The following SORCS2 variants were observed in gnomAD, a reference collection of about 807,000 sequenced individuals.
The protein encoded by SORCS2 is sortilin related VPS10 domain containing receptor 2, also known as VPS10 domain-containing receptor SorCS2.
A neutral mutation model predicts 141.6 loss-of-function variants in SORCS2; 100 were observed. That is an observed-to-expected ratio of 0.71 (90% CI 0.60 to 0.83). The LOEUF is 0.83. Ranked by LOEUF, SORCS2 falls within the 40% of genes least tolerant of loss-of-function variation. The pLI is 0.00. For missense variants in SORCS2, 1,646 were observed against 1,560.2 expected (o/e 1.05, Z -0.93); for synonymous variants, 789 against 676.9 (o/e 1.17, Z -2.57).
At chr4:7,692,335 C>G (rs1724310714) in intron 11 of SORCS2, among the ~76,000 whole-genome samples, 1 of 152,170 alleles carries the variant, frequency 6.6e-6, no homozygotes, top group Non-Finnish European at 1.5e-5. Flanking sequence ...TGAATTCCAT[C>G]CCAGAGGCAG....
intron 2 of SORCS2, among the ~76,000 whole-genome samples, chr4:7,481,051 G>A (rs2109369111): frequency 6.6e-6 from 1 of 152,356 alleles, no homozygotes. Context: ...AATCAAGAGA[G>A]CCCATCTGAC....
intron 1 of SORCS2, among the ~76,000 whole-genome samples, chr4:7,282,216 C>A (rs112783938): frequency 0.016 from 2,456 of 152,308 alleles, 30 homozygotes; most frequent in African/African-American, 0.016. Flanking sequence ...GTTACCGTCT[C>A]TCTGGCCTAT....
intron 2 of SORCS2, among the ~76,000 whole-genome samples, chr4:7,504,380 G>A (rs987788631): frequency 2.6e-5 from 4 of 152,254 alleles, no homozygotes; most frequent in African/African-American, 9.6e-5. Flanking sequence ...GAGCCCGAGA[G>A]TGGGGGAAGT....
At chr4:7,343,117 A>C (rs1720456833) in intron 1 of SORCS2, among the ~76,000 whole-genome samples, 1 of 152,214 alleles carries the variant, frequency 6.6e-6, no homozygotes, top group Non-Finnish European at 1.5e-5. Flanking sequence ...CGGGCACGGC[A>C]ACAGGAGCAT....
chr4:7,206,953 C>T (rs10937790), intron 1 of SORCS2, among the ~76,000 whole-genome samples: 45,025 of 151,804 alleles, frequency 0.3, 6,955 homozygotes, highest in East Asian at 0.44. Context: ...GAGCAGGATT[C>T]GAGAAACCTG....
chr4:7,389,783 T>C (rs1042879979), intron 1 of SORCS2, among the ~76,000 whole-genome samples: 1 of 151,740 alleles, frequency 6.6e-6, no homozygotes, highest in African/African-American at 2.4e-5. Context: ...GGTGACAGAG[T>C]CAAGGCCGGA....
At chr4:7,521,652 A>G (rs1263286318) in intron 2 of SORCS2, among the ~76,000 whole-genome samples, 1 of 152,216 alleles carries the variant, frequency 6.6e-6, no homozygotes. Flanking sequence ...GAAGCTCAGA[A>G]TGAATTCCCC....
In SORCS2 at chr4:7,303,850, G is replaced by T. The variant is rs527602872; in HGVS notation, c.481-92438G>T. Among the ~76,000 whole-genome samples the T allele has an allele frequency of 8.5e-5, 13 of 152,378 alleles. 1 individual carries two copies. The East Asian group carries it at 1.9e-3, about 23-fold the overall frequency. On this transcript the variant is annotated intron_variant, in intron 1 of 26. Coordinates refer to ENST00000507866, the MANE Select transcript of SORCS2 (RefSeq NM_020777.3). ...GAGCTCACCGTCCAGGCAGGAGAGA[G>T]CGATGTTCCCTGTGGACCTGTCCTG...
intron 1 of SORCS2, among the ~76,000 whole-genome samples, chr4:7,338,111 TTGGATGGA>T (rs1452561818): frequency 1.0e-4 from 4 of 39,526 alleles, no homozygotes; most frequent in African/African-American, 3.4e-4. Flanking sequence ...TGGATGGATG[TTGGATGGA>T]TGGATGGATG....
intron 1 of SORCS2, among the ~76,000 whole-genome samples, chr4:7,240,202 G>A (rs1438593698): frequency 6.6e-6 from 1 of 152,212 alleles, no homozygotes; most frequent in Non-Finnish European, 1.5e-5. Context: ...GGAGCTTGCT[G>A]CAGGGGCAGA....
rs540966269 is a variant in SORCS2 at position 7,500,998 on chromosome 4, C to G, written c.549-30532C>G. Among the ~76,000 whole-genome samples, 5 of 152,354 alleles carry G rather than the reference C, an allele frequency of 3.3e-5. No individual in the cohort carries two copies. The South Asian group carries it at 6.2e-4, about 19-fold the overall frequency. On this transcript the variant is annotated intron_variant, in intron 2 of 26. Transcript: ENST00000507866. ...AGCCAGCGTGGATCCAGCTCCACCC[C>G]ACGTGCCCTCTGAGCCGCTACAGCT... is the stretch of plus-strand genomic sequence containing the variant.
chr4:7,269,221 G>A (rs372432167), intron 1 of SORCS2, among the ~76,000 whole-genome samples: 2 of 152,318 alleles, frequency 1.3e-5, no homozygotes, highest in African/African-American at 2.4e-5. Flanking sequence ...GGTGCTGGTG[G>A]TGTCCCAGGA....
At chr4:7,319,902 A>G (rs1718790903) in intron 1 of SORCS2, among the ~76,000 whole-genome samples, 2 of 152,288 alleles carry the variant, frequency 1.3e-5, no homozygotes, top group South Asian at 4.1e-4. Context: ...ATCCTTAATG[A>G]TTCCCCCCAC....
At chr4:7,738,172 C>A (rs1323605870) in intron 26 of SORCS2, among the ~76,000 whole-genome samples, 1 of 152,240 alleles carries the variant, frequency 6.6e-6, no homozygotes, top group African/African-American at 2.4e-5. Flanking sequence ...CACTATAGTT[C>A]TTTCTCTGGA....
chr4:7,281,387 G>C (rs1398033761), intron 1 of SORCS2, among the ~76,000 whole-genome samples: 1 of 152,098 alleles, frequency 6.6e-6, no homozygotes, highest in Admixed American at 6.5e-5. Flanking sequence ...CCTCCTCCAG[G>C]CATCTGACTC....
chr4:7,738,569 G>T (rs186682681), intron 26 of SORCS2, among the ~76,000 whole-genome samples: 1 of 152,124 alleles, frequency 6.6e-6, no homozygotes, highest in Non-Finnish European at 1.5e-5. Context: ...GGGGTTCTGC[G>T]GTAGCTTCTG....
chr4:7,216,993 G>C (rs916644138), intron 1 of SORCS2, among the ~76,000 whole-genome samples: 1 of 152,148 alleles, frequency 6.6e-6, no homozygotes, highest in African/African-American at 2.4e-5. Flanking sequence ...ACTGTGTGGC[G>C]GTTCCCGTGG....
chr4:7,625,369 T>A (rs1033011590), intron 3 of SORCS2, among the ~76,000 whole-genome samples: 1 of 152,114 alleles, frequency 6.6e-6, no homozygotes, highest in African/African-American at 2.4e-5. Context: ...CACTCCAGGC[T>A]TCTGTTTCTT....
intron 1 of SORCS2, among the ~76,000 whole-genome samples, chr4:7,271,525 A>G (rs971767431): frequency 6.6e-6 from 1 of 152,118 alleles, no homozygotes; most frequent in Non-Finnish European, 1.5e-5. Flanking sequence ...CCAGCTACTC[A>G]TCTAAGATGT....
Sources: allele counts gnomAD v4.1 joint callset (sites outside exome capture counted in the v4.1 genomes callset), GRCh38; gene constraint gnomAD v4.1.1; transcripts MANE v1.5; gene names NCBI Gene and HGNC (gene_info 2026-07-23, HGNC 2026-07-21).